Variants in ZDHHC7 observed in about 807,000 individuals in gnomAD.
ZDHHC7 encodes zDHHC palmitoyltransferase 7.
ZDHHC7 carries 12 observed loss-of-function variants against 34.1 expected under a neutral mutation model. The observed-to-expected ratio is 0.35, with a 90% CI of 0.23 to 0.57. ZDHHC7 has a LOEUF of 0.57. ZDHHC7 is among the 20% of genes least tolerant of loss of function. The pLI is 0.84. For synonymous variants in ZDHHC7, 185 were observed against 155.4 expected, an observed-to-expected ratio of 1.19 and a Z score of -1.42; for missense variants, 388 against 402.7, an observed-to-expected ratio of 0.96 and a Z score of 0.31.
chr16:84,999,685 G>A (rs1283526123), intron 1 of ZDHHC7, among the ~76,000 whole-genome samples: 1 of 152,180 alleles, frequency 6.6e-6, no homozygotes, highest in Admixed American at 6.5e-5. Context: ...AAAGAAATCA[G>A]AATAAGGATT....
chr16:84,984,587 C>A (rs1298093443), intron 3 of ZDHHC7, among the ~76,000 whole-genome samples: 1 of 152,166 alleles, frequency 6.6e-6, no homozygotes, highest in Non-Finnish European at 1.5e-5. Context: ...AGTTTTTGGT[C>A]ACTTATGACC....
At chr16:85,003,473 T>C (rs2072678485) in intron 1 of ZDHHC7, among the ~76,000 whole-genome samples, 1 of 152,218 alleles carries the variant, frequency 6.6e-6, no homozygotes, top group African/African-American at 2.4e-5. Flanking sequence ...CTAAGTGCTC[T>C]TGCCATCAAC....
intron 3 of ZDHHC7, among the ~76,000 whole-genome samples, chr16:84,984,163 G>A (rs1454117269): frequency 1.3e-5 from 2 of 151,918 alleles, no homozygotes; most frequent in East Asian, 3.9e-4. Context: ...GGGATTATAG[G>A]CGTGCGCCAC....
chr16:85,027,180 G>A, the ZDHHC7 span, among the ~76,000 whole-genome samples: 2 of 152,114 alleles, frequency 1.3e-5, no homozygotes, highest in African/African-American at 4.8e-5. Flanking sequence ...AAAGTAAATT[G>A]GCCTCTGATT....
chr16:84,984,193 G>A (rs1047786803), intron 3 of ZDHHC7, among the ~76,000 whole-genome samples: 8 of 151,588 alleles, frequency 5.3e-5, no homozygotes, highest in South Asian at 2.1e-4. Flanking sequence ...CTAATTTTTC[G>A]TATTTTTAGT....
intron 3 of ZDHHC7, among the ~76,000 whole-genome samples, chr16:84,987,240 G>A (rs1274265131): frequency 1.3e-5 from 2 of 152,234 alleles, no homozygotes; most frequent in Non-Finnish European, 2.9e-5. Context: ...TGTCACCAGA[G>A]GACTCAAGCA....
At chr16:84,983,418 G>A (rs979868420) in intron 3 of ZDHHC7, among the ~76,000 whole-genome samples, 1 of 152,160 alleles carries the variant, frequency 6.6e-6, no homozygotes. Flanking sequence ...TTCAGCAGGT[G>A]AGCGCCCTGC....
At chr16:85,004,243 T>G (rs1344785561) in intron 1 of ZDHHC7, among the ~76,000 whole-genome samples, 2 of 151,054 alleles carry the variant, frequency 1.3e-5, no homozygotes, top group Non-Finnish European at 2.9e-5. Flanking sequence ...CCTCTCCACA[T>G]CTAGCTGATC....
At chr16:85,019,114 G>A in the ZDHHC7 span, among the ~76,000 whole-genome samples, 1 of 152,288 alleles carries the variant, frequency 6.6e-6, no homozygotes, top group Middle Eastern at 3.4e-3. Flanking sequence ...TTCTCTCGTG[G>A]CTGTTAGGAC....
chr16:85,024,109 G>C, the ZDHHC7 span, among the ~76,000 whole-genome samples: 1 of 151,992 alleles, frequency 6.6e-6, no homozygotes, highest in Non-Finnish European at 1.5e-5. Context: ...GTAGAGATGA[G>C]GTTTCACCAT....
chr16:84,983,938 G>C (rs2072403296), intron 3 of ZDHHC7, among the ~76,000 whole-genome samples: 1 of 146,278 alleles, frequency 6.8e-6, no homozygotes, highest in Non-Finnish European at 1.5e-5. Context: ...GCTGCAGTGA[G>C]CCAAGATCAC....
At chr16:84,999,692 G>T (rs1045275127) in intron 1 of ZDHHC7, among the ~76,000 whole-genome samples, 1 of 152,146 alleles carries the variant, frequency 6.6e-6, no homozygotes, top group African/African-American at 2.4e-5. Flanking sequence ...TCAGAATAAG[G>T]ATTTGAGCAC....
At chr16:84,988,903 T>C (rs1470218576) in intron 3 of ZDHHC7, 2 of 1,549,082 alleles carry the variant, frequency 1.3e-6, no homozygotes, top group Non-Finnish European at 1.7e-6. Context: ...TAAAAATCGC[T>C]GAGCTGGACC....
intron 3 of ZDHHC7, among the ~76,000 whole-genome samples, chr16:84,982,304 C>G (rs574444915): frequency 1.3e-5 from 2 of 149,392 alleles, no homozygotes; most frequent in African/African-American, 5.0e-5. Flanking sequence ...AAGATCGCGC[C>G]GTTGCACTCC....
At chr16:85,008,730 T>C (rs1262706175) in intron 1 of ZDHHC7, among the ~76,000 whole-genome samples, 4 of 149,818 alleles carry the variant, frequency 2.7e-5, no homozygotes, top group African/African-American at 1.0e-4. Flanking sequence ...TTTGACTTTA[T>C]GTTCTGCTCT....
rs755662959 is a variant in ZDHHC7 at position 84,990,328 on chromosome 16, G to T, written c.291C>A (p.His97Gln). ...CAGGGTCGGTGAGCATGGTTCTCAG[G>T]TGGGATGACAGGGCAAGCACGGCCA... Reference protein sequence around the residue: ...NCLAVLALSSHLRTMLTDPGA... With the variant: ...NCLAVLALSSQLRTMLTDPGA... The change falls in exon 3 of 8, where the codon CAC (histidine) becomes CAA (glutamine). Residue 97 changes from histidine to glutamine, a missense_variant. By Grantham distance (24) the His-to-Gln change is conservative (BLOSUM62 0). Coordinates refer to ENST00000313732, the MANE Select transcript of ZDHHC7 (RefSeq NM_017740.3). 2 of 1,613,930 alleles carry T rather than the reference G, an allele frequency of 1.2e-6. No homozygotes were observed. The highest frequency in any genetic ancestry group is 1.3e-5 in the African/African-American group (1 of 74,882).
intron 4 of ZDHHC7, among the ~76,000 whole-genome samples, chr16:84,980,063 C>T (rs2072347951): frequency 6.6e-6 from 1 of 150,480 alleles, no homozygotes; most frequent in Non-Finnish European, 1.5e-5. Context: ...CGGGTTCACG[C>T]CATTCTCCTG....
chr16:85,013,662 G>T (rs1264664198), upstream of ZDHHC7, among the ~76,000 whole-genome samples: 1 of 151,922 alleles, frequency 6.6e-6, no homozygotes, highest in Non-Finnish European at 1.5e-5. Flanking sequence ...ATAAACTTCT[G>T]TTTTTCTCTT....
At chr16:85,027,552 C>G in the ZDHHC7 span, among the ~76,000 whole-genome samples, 1 of 152,212 alleles carries the variant, frequency 6.6e-6, no homozygotes, top group South Asian at 2.1e-4. Context: ...GAACACCCAG[C>G]CTCTAAGCAG....
Sources: allele counts gnomAD v4.1 joint callset (sites outside exome capture counted in the v4.1 genomes callset), GRCh38; gene constraint gnomAD v4.1.1; transcripts MANE v1.5; gene names NCBI Gene and HGNC (gene_info 2026-07-23, HGNC 2026-07-21).